Variants in KCNH7 observed in about 807,000 individuals in gnomAD.
The protein encoded by KCNH7 is potassium voltage-gated channel subfamily H member 7.
KCNH7 carries 49 observed loss-of-function variants against 120.8 expected under a neutral mutation model. The observed-to-expected ratio is 0.41, with a 90% CI of 0.32 to 0.51. The LOEUF is 0.51. Ranked by LOEUF, KCNH7 falls within the 20% of genes least tolerant of loss-of-function variation. KCNH7 has a pLI of 0.38. For missense variants in KCNH7, 1,097 were observed against 1,446.6 expected, an observed-to-expected ratio of 0.76 and a Z score of 3.92; for synonymous variants, 547 against 516.1, an observed-to-expected ratio of 1.06 and a Z score of -0.81.
At chr2:162,796,780 C>T (rs1294630053) in intron 2 of KCNH7, 2 of 151,810 alleles carry the variant, frequency 1.3e-5, no homozygotes, top group East Asian at 3.9e-4. Flanking sequence ...AAATAGGTGG[C>T]ATTCATATTT....
At chr2:162,425,971 T>G (rs569146178) in intron 8 of KCNH7, among the ~76,000 whole-genome samples, 1 of 152,150 alleles carries the variant, frequency 6.6e-6, no homozygotes, top group African/African-American at 2.4e-5. Context: ...CCCAGCACTT[T>G]GGGAGGCTGA....
intron 2 of KCNH7, among the ~76,000 whole-genome samples, chr2:162,806,149 G>T (rs965131352): frequency 3.9e-5 from 6 of 152,188 alleles, no homozygotes; most frequent in East Asian, 1.9e-4. Context: ...CACTACTTGG[G>T]TAATAGGTGC....
chr2:162,420,462 T>G (rs1687667558), intron 9 of KCNH7, among the ~76,000 whole-genome samples: 1 of 152,184 alleles, frequency 6.6e-6, no homozygotes, highest in Non-Finnish European at 1.5e-5. Flanking sequence ...GCCCATTTCC[T>G]TTTGTACTCT....
chr2:162,522,496 C>A (rs1382935501), intron 3 of KCNH7, among the ~76,000 whole-genome samples: 1 of 151,810 alleles, frequency 6.6e-6, no homozygotes, highest in Non-Finnish European at 1.5e-5. Flanking sequence ...GGAAAGAATG[C>A]ACATTGAGAA....
intron 2 of KCNH7, among the ~76,000 whole-genome samples, chr2:162,541,026 C>T (rs1391815053): frequency 6.6e-6 from 1 of 152,014 alleles, no homozygotes; most frequent in East Asian, 1.9e-4. Flanking sequence ...AAGTTGACAA[C>T]AAATTTGGTA....
chr2:162,808,489 A>G (rs894697382), intron 2 of KCNH7, among the ~76,000 whole-genome samples: 2 of 152,200 alleles, frequency 1.3e-5, no homozygotes, highest in Non-Finnish European at 2.9e-5. Flanking sequence ...ACTACATACT[A>G]TATAGTCTGT....
At chr2:162,376,594 C>A (rs1438993258) in intron 14 of KCNH7, among the ~76,000 whole-genome samples, 3 of 151,994 alleles carry the variant, frequency 2.0e-5, no homozygotes, top group Non-Finnish European at 4.4e-5. Flanking sequence ...GAACTCCTGA[C>A]CTTGTGATCT....
At chr2:162,781,321 TA>T (rs984673467) in intron 2 of KCNH7, among the ~76,000 whole-genome samples, 3 of 151,264 alleles carry the variant, frequency 2.0e-5, no homozygotes, top group East Asian at 1.9e-4. Flanking sequence ...CTAAGAGAAA[TA>T]AAAAAAAATT....
At chr2:162,789,805 A>G (rs1173807999) in intron 2 of KCNH7, among the ~76,000 whole-genome samples, 1 of 152,014 alleles carries the variant, frequency 6.6e-6, no homozygotes, top group Non-Finnish European at 1.5e-5. Flanking sequence ...TTGAGACAAA[A>G]ATGAAACACA....
chr2:162,436,787 G>A (rs1688254120), intron 7 of KCNH7, among the ~76,000 whole-genome samples: 1 of 152,040 alleles, frequency 6.6e-6, no homozygotes. Flanking sequence ...GATGAAAAAG[G>A]AGCACTAAAT....
At chr2:162,675,266 G>A (rs192097373) in intron 2 of KCNH7, among the ~76,000 whole-genome samples, 99 of 151,564 alleles carry the variant, frequency 6.5e-4, no homozygotes, top group Admixed American at 1.6e-3. Flanking sequence ...GAGCTCAAAT[G>A]TGTTAGCATT....
At chr2:162,488,087 C>G (rs934114648) in intron 6 of KCNH7, among the ~76,000 whole-genome samples, 4 of 152,178 alleles carry the variant, frequency 2.6e-5, no homozygotes, top group Non-Finnish European at 4.4e-5. Context: ...TTTTCTGTTC[C>G]TGGGTCTGAC....
Position 162,543,820 on chromosome 2 carries a change from A to C in KCNH7, c.308-6740T>G, listed in dbSNP as rs184746123. Among the ~76,000 whole-genome samples the C allele has an allele frequency of 2.6e-3, 394 of 152,300 alleles. 2 individuals are homozygous for C. The highest frequency in any genetic ancestry group is 8.9e-3 in the African/African-American group (370 of 41,580). ...TGGGGAAGGTCAAATCAGATAATAC[A>C]CGTAAAGTAGTTAGCAAGGAGCCTG... is the stretch of plus-strand genomic sequence containing the variant. On this transcript the variant is annotated intron_variant, in intron 2 of 15. Coordinates refer to ENST00000332142, the MANE Select transcript of KCNH7 (RefSeq NM_033272.4).
intron 2 of KCNH7, among the ~76,000 whole-genome samples, chr2:162,704,628 G>T (rs1231360766): frequency 6.6e-6 from 1 of 152,150 alleles, no homozygotes; most frequent in Non-Finnish European, 1.5e-5. Context: ...AGCTTCAGAA[G>T]ATACAATACA....
chr2:162,435,674 A>G, intron 7 of KCNH7, 77 bp from the exon 8 acceptor site: 6 of 1,405,988 alleles, frequency 4.3e-6, no homozygotes, highest in Non-Finnish European at 5.7e-6. Context: ...AAAGTGGACA[A>G]AAACAGGTTA....
chr2:162,536,519 G>C (rs1361738551), intron 3 of KCNH7, among the ~76,000 whole-genome samples: 1 of 151,914 alleles, frequency 6.6e-6, no homozygotes, highest in Non-Finnish European at 1.5e-5. Context: ...AGGAGAATTT[G>C]ACAGTATCTG....
chr2:162,431,040 TAC>T (rs1246665182), intron 8 of KCNH7, among the ~76,000 whole-genome samples: 1 of 152,070 alleles, frequency 6.6e-6, no homozygotes, highest in Non-Finnish European at 1.5e-5. Context: ...CTGTACTCTG[TAC>T]ACAGTCAGCA....
chr2:162,730,606 T>A (rs1233243792), intron 2 of KCNH7, among the ~76,000 whole-genome samples: 1 of 152,012 alleles, frequency 6.6e-6, no homozygotes, highest in African/African-American at 2.4e-5. Context: ...CCTTTCCAAA[T>A]ATCCTCCCTC....
intron 5 of KCNH7, among the ~76,000 whole-genome samples, chr2:162,511,552 A>T (rs1691074734): frequency 6.6e-6 from 1 of 151,288 alleles, no homozygotes; most frequent in Non-Finnish European, 1.5e-5. Context: ...CAACCTGCAT[A>T]GACCCTTTTA....
Sources: allele counts gnomAD v4.1 joint callset (sites outside exome capture counted in the v4.1 genomes callset), GRCh38; gene constraint gnomAD v4.1.1; transcripts MANE v1.5; gene names NCBI Gene and HGNC (gene_info 2026-07-23, HGNC 2026-07-21).